The following PDZD2 variants were observed in gnomAD, a reference collection of about 807,000 sequenced individuals.
PDZD2 encodes the protein PDZ domain containing 2, also known as PDZ domain-containing protein 2.
A neutral mutation model predicts 220.7 loss-of-function variants in PDZD2; 90 were observed. That is an observed-to-expected ratio of 0.41 (90% CI 0.34 to 0.49). The LOEUF (loss-of-function observed/expected upper bound fraction) is 0.49, where lower values mean the gene tolerates loss of function less well. Among genes scored for constraint, PDZD2 ranks in the 20% least tolerant of loss-of-function variants. The pLI is 0.28. For missense variants in PDZD2, 3,174 were observed against 3,608.5 expected (o/e 0.88, Z 3.08); for synonymous variants, 1,375 against 1,450.5 (o/e 0.95, Z 1.18).
chr5:32,077,408 G>A (rs766012517), intron 18 of PDZD2, 54 bp from the exon 19 acceptor site: 10 of 1,588,586 alleles, frequency 6.3e-6, no homozygotes, highest in African/African-American at 2.7e-5. Context: ...CTCATCTTAC[G>A]GTGCAGAAAG....
At chr5:31,945,577 TGTC>T (rs1746561159) in intron 2 of PDZD2, among the ~76,000 whole-genome samples, 1 of 152,130 alleles carries the variant, frequency 6.6e-6, no homozygotes, top group African/African-American at 2.4e-5. Context: ...ACCAAAATTC[TGTC>T]TTTGGGTTTG....
intron 1 of PDZD2, chr5:31,741,831 T>C (rs1750283365): frequency 6.6e-6 from 1 of 152,186 alleles, no homozygotes; most frequent in African/African-American, 2.4e-5. Flanking sequence ...AAGAATCTGG[T>C]TCATTCCTTC....
intron 11 of PDZD2, 38 bp from the exon 12 acceptor site, chr5:32,057,840 C>G: frequency 6.7e-7 from 1 of 1,500,784 alleles, no homozygotes; most frequent in Admixed American, 1.7e-5. Flanking sequence ...AAGGACATTC[C>G]AAATGTTTCA....
chr5:31,762,742 T>G (rs2150188689), intron 1 of PDZD2, among the ~76,000 whole-genome samples: 1 of 152,272 alleles, frequency 6.6e-6, no homozygotes, highest in East Asian at 1.9e-4. Flanking sequence ...TAATTGGCCA[T>G]AAATCAAAGC....
chr5:31,969,652 T>C (rs1749114898), intron 2 of PDZD2, among the ~76,000 whole-genome samples: 1 of 151,912 alleles, frequency 6.6e-6, no homozygotes, highest in African/African-American at 2.4e-5. Context: ...AGGGATCTTA[T>C]TAGAGTGATG....
At chr5:31,687,811 T>A (rs1425300115) in intron 1 of PDZD2, among the ~76,000 whole-genome samples, 1 of 152,220 alleles carries the variant, frequency 6.6e-6, no homozygotes, top group East Asian at 1.9e-4. Context: ...TGTCTCTTCC[T>A]CTTCCTATGA....
chr5:31,843,846 C>T (rs1169438094), intron 2 of PDZD2: 1 of 152,164 alleles, frequency 6.6e-6, no homozygotes, highest in Non-Finnish European at 1.5e-5. Flanking sequence ...TTGAGATGTC[C>T]CCTAAAGCCT....
intron 2 of PDZD2, among the ~76,000 whole-genome samples, chr5:31,802,999 A>T (rs1253320753): frequency 6.6e-6 from 1 of 151,018 alleles, no homozygotes; most frequent in Admixed American, 6.6e-5. Flanking sequence ...AACAGGAGGC[A>T]CGCCACACCA....
chr5:31,833,807 G>C (rs1756780958), intron 2 of PDZD2, among the ~76,000 whole-genome samples: 1 of 152,182 alleles, frequency 6.6e-6, no homozygotes, highest in Non-Finnish European at 1.5e-5. Flanking sequence ...ACCTCAACTG[G>C]GACCTTGAGA....
At chr5:31,689,353 A>ATATATATATATTTTTTTTTTCTTT in intron 1 of PDZD2, among the ~76,000 whole-genome samples, 2 of 35,118 alleles carry the variant, frequency 5.7e-5, no homozygotes, top group African/African-American at 2.1e-4. Context: ...ATATATATAT[A>ATATATATATATTTTTTTTTTCTTT]TTTTTTTTTT....
intron 2 of PDZD2, among the ~76,000 whole-genome samples, chr5:31,857,815 G>C (rs541059429): frequency 1.2e-4 from 18 of 151,782 alleles, no homozygotes; most frequent in Non-Finnish European, 2.5e-4. Flanking sequence ...GGTTTCGTGT[G>C]TGTGTATTTT....
chr5:31,653,466 C>T (rs1218144236), intron 1 of PDZD2, among the ~76,000 whole-genome samples: 2 of 152,112 alleles, frequency 1.3e-5, no homozygotes, highest in Non-Finnish European at 2.9e-5. Context: ...TGAAGATCCC[C>T]ATAGTCTGAA....
At chr5:32,069,814 T>C (rs1028137199) in intron 15 of PDZD2, among the ~76,000 whole-genome samples, 164 bp downstream of exon 15, 1 of 152,222 alleles carries the variant, frequency 6.6e-6, no homozygotes, top group Non-Finnish European at 1.5e-5. Context: ...TTAGTTTTGA[T>C]TTCTGCAGTT....
At chr5:31,733,226 G>A (rs1052505240) in intron 1 of PDZD2, among the ~76,000 whole-genome samples, 1 of 152,078 alleles carries the variant, frequency 6.6e-6, no homozygotes, top group Non-Finnish European at 1.5e-5. Flanking sequence ...GCTGCCCTGG[G>A]GTGCTGGTGA....
intron 2 of PDZD2, chr5:31,822,640 CT>C: frequency 7.5e-7 from 1 of 1,329,880 alleles, no homozygotes; most frequent in Non-Finnish European, 1.0e-6. Context: ...TGTTTTTAAC[CT>C]TGTGGCTTGC....
intron 1 of PDZD2, among the ~76,000 whole-genome samples, chr5:31,783,436 AT>A (rs1753177379): frequency 6.6e-6 from 1 of 152,158 alleles, no homozygotes; most frequent in African/African-American, 2.4e-5. Context: ...CAAGTTTTTA[AT>A]CACCTCCTCA....
intron 7 of PDZD2, among the ~76,000 whole-genome samples, chr5:32,046,485 G>A (rs965145059): frequency 6.6e-6 from 1 of 151,984 alleles, no homozygotes; most frequent in East Asian, 1.9e-4. Context: ...TCAGGCGATC[G>A]GCCCACCTCG....
At chr5:31,683,672 AGTCT>A (rs757158008) in intron 1 of PDZD2, among the ~76,000 whole-genome samples, 1 of 152,210 alleles carries the variant, frequency 6.6e-6, no homozygotes, top group Non-Finnish European at 1.5e-5. Context: ...TCTGCAAAGT[AGTCT>A]GTCTTATGGA....
chr5:31,963,477 C>T (rs941207467), intron 2 of PDZD2, among the ~76,000 whole-genome samples: 1 of 152,128 alleles, frequency 6.6e-6, no homozygotes, highest in Non-Finnish European at 1.5e-5. Context: ...CACACACACA[C>T]GTACATCTGA....
Sources: gnomAD v4.1 joint callset for allele counts (sites outside exome capture counted in the v4.1 genomes callset) on GRCh38, gnomAD v4.1.1 for gene constraint, MANE v1.5 for transcripts, NCBI Gene and HGNC (gene_info 2026-07-23, HGNC 2026-07-21) for gene names.